The following ARHGEF3 variants were observed in gnomAD, a reference collection of about 807,000 sequenced individuals.
The protein encoded by ARHGEF3 is Rho guanine nucleotide exchange factor 3.
In ARHGEF3, 28 loss-of-function variants were observed where a neutral mutation model predicts 63.2. The observed-to-expected ratio is 0.44, with a 90% confidence interval of 0.33 to 0.61. The LOEUF is 0.61. Ranked by LOEUF, ARHGEF3 falls within the 20% of genes least tolerant of loss-of-function variation. The pLI is 0.03. For missense variants in ARHGEF3, 533 were observed against 659.3 expected, an observed-to-expected ratio of 0.81 and a Z score of 2.10; for synonymous variants, 266 against 254.2, an observed-to-expected ratio of 1.05 and a Z score of -0.44.
In ARHGEF3 at chr3:56,901,207, A is replaced by G. The variant is rs577707084; in HGVS notation, c.130-18853T>C. Among the ~76,000 whole-genome samples the G allele has an allele frequency of 2.0e-5, 3 of 152,250 alleles. No homozygotes were observed. The East Asian group carries it at 5.8e-4, about 29-fold the overall frequency. ...CATGGCAAAAGAAGGTGATCCACAA[A>G]TGTGTATTAAATACATGGATAAATG... On this transcript the variant is annotated intron_variant, in intron 3 of 12. Coordinates refer to the ARHGEF3 transcript ENST00000338458.
chr3:56,845,477 T>C (rs2039458053), intron 4 of ARHGEF3, among the ~76,000 whole-genome samples: 1 of 152,250 alleles, frequency 6.6e-6, no homozygotes, highest in African/African-American at 2.4e-5. Context: ...CATGGTCTAT[T>C]TGGTGATACC....
chr3:56,729,507 T>C lies in ARHGEF3; in HGVS notation c.1344A>G (p.Lys448=), dbSNP rs114346514. 280 of 1,614,236 alleles carry C rather than the reference T, an allele frequency of 1.7e-4. 1 individual carries two copies. The African/African-American group carries it at 3.2e-3, about 18-fold the overall frequency. ...GCCCGGCAGCACACAAAACTGTTTCTTTGGCTTGACGAATACAGTTAAGCC... is the reference window on the plus strand; with the variant it reads ...GCCCGGCAGCACACAAAACTGTTTCCTTGGCTTGACGAATACAGTTAAGCC... ...QQWLNCIRQA[K]ETVLCAAGQA... Residue 448 remains lysine (K), a synonymous_variant, in exon 10 of 10, where the codon AAA becomes AAG. Transcript: ENST00000296315.
intron 4 of ARHGEF3, among the ~76,000 whole-genome samples, chr3:56,839,057 T>G (rs1435683703): frequency 2.0e-5 from 3 of 152,130 alleles, no homozygotes; most frequent in African/African-American, 7.2e-5. Context: ...GAAGATCACT[T>G]GAGCCTGGGA....
intron 4 of ARHGEF3, among the ~76,000 whole-genome samples, chr3:56,825,791 C>T (rs1361996885): frequency 3.3e-5 from 5 of 152,246 alleles, no homozygotes; most frequent in Middle Eastern, 6.8e-3. Flanking sequence ...GGCTTTGGCT[C>T]ACTCAGCTTT....
At chr3:56,832,543 G>T (rs969797609) in intron 4 of ARHGEF3, among the ~76,000 whole-genome samples, 3 of 152,156 alleles carry the variant, frequency 2.0e-5, no homozygotes, top group African/African-American at 7.2e-5. Flanking sequence ...TATTATCATG[G>T]AATAGATATA....
chr3:56,934,498 C>T (rs370751112), intron 3 of ARHGEF3, among the ~76,000 whole-genome samples: 6 of 150,140 alleles, frequency 4.0e-5, no homozygotes, highest in East Asian at 1.9e-4. Context: ...GGGCTGCGTG[C>T]GGTGCTGGCG....
intron 2 of ARHGEF3, among the ~76,000 whole-genome samples, chr3:56,764,377 C>T (rs1316771652): frequency 6.6e-6 from 1 of 152,142 alleles, no homozygotes; most frequent in Non-Finnish European, 1.5e-5. Context: ...CTCCCTGCCA[C>T]AGAAGGTGAA....
intron 2 of ARHGEF3, among the ~76,000 whole-genome samples, chr3:56,976,679 T>A (rs1233249920): frequency 6.6e-6 from 1 of 152,170 alleles, no homozygotes; most frequent in Non-Finnish European, 1.5e-5. Flanking sequence ...TTGACTCCAA[T>A]ACAGGACCCA....
At chr3:56,795,655 C>CTCTTTATTTTTT (rs57400467) in intron 1 of ARHGEF3, among the ~76,000 whole-genome samples, 1 of 130,544 alleles carries the variant, frequency 7.7e-6, no homozygotes, top group Non-Finnish European at 1.6e-5. Flanking sequence ...GTCTCTCTCT[C>CTCTTTATTTTTT]TTTTTTTTTT....
chr3:56,789,854 T>C (rs983110919), intron 1 of ARHGEF3, among the ~76,000 whole-genome samples: 11 of 152,228 alleles, frequency 7.2e-5, no homozygotes, highest in African/African-American at 2.2e-4. Context: ...TACACTTAGT[T>C]ACACAGGGAA....
chr3:56,831,249 T>C (rs1266067250), intron 4 of ARHGEF3, among the ~76,000 whole-genome samples: 1 of 151,856 alleles, frequency 6.6e-6, no homozygotes, highest in Non-Finnish European at 1.5e-5. Flanking sequence ...GGCATTTAAC[T>C]CCAGAGTCTA....
intron 2 of ARHGEF3, among the ~76,000 whole-genome samples, chr3:56,989,338 G>C (rs1278479578): frequency 6.6e-6 from 1 of 152,096 alleles, no homozygotes; most frequent in East Asian, 1.9e-4. Context: ...GGATGCTGTA[G>C]CGTGACATCT....
rs1279242861 is a variant in ARHGEF3, at chr3:56,747,050, C to T, written c.613-1588G>A. 6.7e-5 allele frequency among the ~76,000 whole-genome samples: 9 copies of T among 134,132 alleles called. No homozygotes were observed. In the South Asian group the frequency reaches 1.0e-3, roughly 15 times the overall value. 88.0% of individuals were successfully genotyped at this position (134,132 alleles called of 152,430 possible). A position where few individuals can be genotyped will look rare whatever the true frequency, so the allele number is the denominator to read the frequency against. ...TAATGATAATTGGTACTTATACATG[C>T]GCGCACACACACACAGAGAGAGAGA... On this transcript the variant is annotated intron_variant, in intron 6 of 9. Transcript: ENST00000296315.
chr3:56,738,964 G>A (rs1008652864), intron 7 of ARHGEF3, among the ~76,000 whole-genome samples: 1 of 151,996 alleles, frequency 6.6e-6, no homozygotes, highest in Non-Finnish European at 1.5e-5. Context: ...GCGAGGTGGT[G>A]CCCACCTATC....
chr3:56,886,373 A>G (rs9311627), intron 3 of ARHGEF3, among the ~76,000 whole-genome samples: 24,267 of 151,990 alleles, frequency 0.16, 4,619 homozygotes, highest in African/African-American at 0.45. Flanking sequence ...CCAACTCGAG[A>G]GGGCCACAGG....
intron 2 of ARHGEF3, among the ~76,000 whole-genome samples, chr3:57,028,702 A>G (rs961126421): frequency 4.2e-5 from 6 of 141,648 alleles, no homozygotes; most frequent in African/African-American, 1.7e-4. Flanking sequence ...TAAAAAAAAA[A>G]TAAATAAATA....
At chr3:56,923,540 C>G (rs1202865980) in intron 3 of ARHGEF3, among the ~76,000 whole-genome samples, 1 of 151,932 alleles carries the variant, frequency 6.6e-6, no homozygotes, top group African/African-American at 2.4e-5. Flanking sequence ...TTCCCTTCTT[C>G]CTTCCAATAG....
chr3:57,054,443 A>G (rs1704814321), intron 1 of ARHGEF3, among the ~76,000 whole-genome samples: 1 of 150,928 alleles, frequency 6.6e-6, no homozygotes, highest in South Asian at 2.1e-4. Context: ...CAGCCTGGGC[A>G]GCATGGTGAA....
At chr3:56,740,168 G>C (rs1186303354) in intron 7 of ARHGEF3, among the ~76,000 whole-genome samples, 1 of 144,232 alleles carries the variant, frequency 6.9e-6, no homozygotes, top group African/African-American at 2.7e-5. Flanking sequence ...TAAGTGCTGG[G>C]ATTACAGGCA....
Sources: gnomAD v4.1 joint callset for allele counts (sites outside exome capture counted in the v4.1 genomes callset) on GRCh38, gnomAD v4.1.1 for gene constraint, MANE v1.5 for transcripts, NCBI Gene and HGNC (gene_info 2026-07-23, HGNC 2026-07-21) for gene names.